The following FUT8 variants were observed in gnomAD, a reference collection of about 807,000 sequenced individuals.
The protein encoded by FUT8 is fucosyltransferase 8.
A neutral mutation model predicts 71.3 loss-of-function variants in FUT8; 29 were observed. The ratio of observed to expected loss-of-function variants is 0.41; its 90% confidence interval spans 0.30 to 0.55. The LOEUF (loss-of-function observed/expected upper bound fraction) is 0.55, where lower values mean the gene tolerates loss of function less well. FUT8 is among the 20% of genes least tolerant of loss of function. The pLI is 0.34. For missense variants in FUT8, 544 were observed against 702.1 expected (o/e 0.77, Z 2.55); for synonymous variants, 254 against 239.3 (o/e 1.06, Z -0.57).
the FUT8 span, among the ~76,000 whole-genome samples, chr14:65,368,670 C>T: frequency 2.1e-5 from 2 of 96,372 alleles, no homozygotes; most frequent in African/African-American, 3.3e-5. Context: ...TACAGGCGTC[C>T]GCCACCACTC....
chr14:65,577,538 C>G (rs773082490), intron 3 of FUT8, among the ~76,000 whole-genome samples: 1 of 152,054 alleles, frequency 6.6e-6, no homozygotes. Flanking sequence ...CCTCAATAAA[C>G]AGATTTTTAG....
chr14:65,539,843 G>T (rs572182619), intron 2 of FUT8, among the ~76,000 whole-genome samples: 16 of 152,252 alleles, frequency 1.1e-4, no homozygotes, highest in African/African-American at 3.9e-4. Flanking sequence ...AATATTTGTG[G>T]CAGAAAAAGA....
At chr14:65,738,027 C>T (rs1428191711) in intron 10 of FUT8, among the ~76,000 whole-genome samples, 6 of 152,046 alleles carry the variant, frequency 3.9e-5, no homozygotes, top group Non-Finnish European at 8.8e-5. Flanking sequence ...GAGGAAAGCA[C>T]AGGGTGAAAT....
At chr14:65,425,848 G>A (rs892094426) in intron 1 of FUT8, among the ~76,000 whole-genome samples, 1 of 151,766 alleles carries the variant, frequency 6.6e-6, no homozygotes, top group African/African-American at 2.4e-5. Context: ...GTGGTGGCGG[G>A]CCCCTGTAAT....
intron 7 of FUT8, among the ~76,000 whole-genome samples, chr14:65,697,861 G>A (rs1894073978): frequency 6.6e-6 from 1 of 152,086 alleles, no homozygotes; most frequent in South Asian, 2.1e-4. Flanking sequence ...TGTAATCCCA[G>A]CTACTCCAGA....
At chr14:65,382,250 C>T in the FUT8 span, among the ~76,000 whole-genome samples, 1 of 152,212 alleles carries the variant, frequency 6.6e-6, no homozygotes, top group Non-Finnish European at 1.5e-5. Context: ...TGGATTAGTG[C>T]TTCTCAATCT....
At chr14:65,680,470 T>G (rs185180808) in intron 7 of FUT8, among the ~76,000 whole-genome samples, 3 of 152,334 alleles carry the variant, frequency 2.0e-5, no homozygotes, top group Admixed American at 1.3e-4. Flanking sequence ...TTGAATTGCC[T>G]TGGTCCCTTT....
chr14:65,608,913 T>C lies in FUT8; in HGVS notation c.204-7065T>C, dbSNP rs545263645. On this transcript the variant is annotated intron_variant, in intron 3 of 10. Transcript: ENST00000673929. Reference sequence around the variant, plus strand: ...TGTTCAAACATTTATTTAAATCTTTTTGCTTATGAGGTTTTTTCTTTTTTT... The same window carrying C: ...TGTTCAAACATTTATTTAAATCTTTCTGCTTATGAGGTTTTTTCTTTTTTT... Among the ~76,000 whole-genome samples, 19 of 152,120 alleles carry C rather than the reference T, an allele frequency of 1.2e-4. 1 individual carries two copies. Among genetic ancestry groups the C allele is most frequent in the African/African-American group, 4.6e-4 (19 of 41,564 alleles).
chr14:65,374,836 G>A, the FUT8 span, among the ~76,000 whole-genome samples: 1 of 151,056 alleles, frequency 6.6e-6, no homozygotes, highest in African/African-American at 2.4e-5. Flanking sequence ...TCCTGACCTC[G>A]TGATCCACTG....
intron 2 of FUT8, among the ~76,000 whole-genome samples, chr14:65,480,843 C>T (rs2066320107): frequency 6.6e-6 from 1 of 151,916 alleles, no homozygotes; most frequent in Admixed American, 6.6e-5. Context: ...TGTACCACCA[C>T]ACTGGCTAAT....
chr14:65,395,908 T>C, the FUT8 span, among the ~76,000 whole-genome samples: 1 of 152,258 alleles, frequency 6.6e-6, no homozygotes. Flanking sequence ...AAAGTATCTC[T>C]TGAATGCTTT....
chr14:65,486,527 G>A (rs2066411525), intron 2 of FUT8, among the ~76,000 whole-genome samples: 1 of 152,188 alleles, frequency 6.6e-6, no homozygotes, highest in African/African-American at 2.4e-5. Flanking sequence ...AAGTCATGGA[G>A]GCTTACTGAA....
At chr14:65,415,466 A>C (rs1339193705) in intron 1 of FUT8, among the ~76,000 whole-genome samples, 1 of 152,180 alleles carries the variant, frequency 6.6e-6, no homozygotes, top group Non-Finnish European at 1.5e-5. Context: ...CCAAACTTAG[A>C]GTATGTTATA....
intron 2 of FUT8, among the ~76,000 whole-genome samples, chr14:65,466,722 T>A (rs2066049282): frequency 6.6e-6 from 1 of 152,060 alleles, no homozygotes; most frequent in Non-Finnish European, 1.5e-5. Flanking sequence ...TGCACCCTAG[T>A]CTGGGCGACA....
chr14:65,720,689 A>G (rs1327344234), intron 7 of FUT8, among the ~76,000 whole-genome samples: 1 of 152,118 alleles, frequency 6.6e-6, no homozygotes, highest in Non-Finnish European at 1.5e-5. Flanking sequence ...AAACTTGCCT[A>G]GAAATTACAG....
At chr14:65,482,169 T>C (rs1280428121) in intron 2 of FUT8, among the ~76,000 whole-genome samples, 1 of 152,164 alleles carries the variant, frequency 6.6e-6, no homozygotes, top group African/African-American at 2.4e-5. Context: ...GGGATAAAAA[T>C]TGGATAGAAA....
intron 3 of FUT8, among the ~76,000 whole-genome samples, 156 bp downstream of exon 3, chr14:65,561,922 T>C (rs978147429): frequency 3.3e-5 from 5 of 152,176 alleles, no homozygotes; most frequent in Non-Finnish European, 7.4e-5. Context: ...GTGTATTTAA[T>C]ACAGAACAAG....
chr14:65,742,507 C>T lies in FUT8; in HGVS notation c.*97C>T, dbSNP rs1424832509. The T allele has an allele frequency of 1.6e-5, 16 of 1,024,184 alleles. No homozygotes were observed. The highest frequency in any genetic ancestry group is 2.1e-5 in the Non-Finnish European group (15 of 705,822). The allele number at this position is 1,024,184 out of a possible 1,614,324, so 63.4% of individuals were successfully genotyped here. ...GTAGATGAAGAGGGCTCTGATCTAACAAAATAAGGTTATATGAGTAGATAC... is the reference window on the plus strand; with the variant it reads ...GTAGATGAAGAGGGCTCTGATCTAATAAAATAAGGTTATATGAGTAGATAC... On this transcript the variant is annotated 3_prime_UTR_variant, in exon 11 of 11. Coordinates refer to ENST00000673929, the MANE Select transcript of FUT8 (RefSeq NM_001371533.1).
chr14:65,678,231 A>G (rs1254289059), intron 7 of FUT8, among the ~76,000 whole-genome samples: 1 of 152,230 alleles, frequency 6.6e-6, no homozygotes, highest in African/African-American at 2.4e-5. Flanking sequence ...AACAGCCAAC[A>G]TTAATGAAAC....
Sources: allele counts gnomAD v4.1 joint callset (sites outside exome capture counted in the v4.1 genomes callset), GRCh38; gene constraint gnomAD v4.1.1; transcripts MANE v1.5; gene names NCBI Gene and HGNC (gene_info 2026-07-23, HGNC 2026-07-21).